Variants in ZNF277 observed in about 807,000 individuals in gnomAD.
The protein encoded by ZNF277 is nuclear receptor-interacting factor 4.
A neutral mutation model predicts 60.7 loss-of-function variants in ZNF277; 55 were observed. That is an observed-to-expected ratio of 0.91 (90% confidence interval 0.73 to 1.13). The LOEUF is 1.13. Among genes scored for constraint, ZNF277 ranks in the 50% most tolerant of loss-of-function variants. The pLI, the probability that ZNF277 is intolerant of heterozygous loss-of-function variation, is 0.00. For missense variants in ZNF277, 510 were observed against 523.0 expected (o/e 0.98, Z 0.24); for synonymous variants, 178 against 179.3 (o/e 0.99, Z 0.06).
At chr7:112,331,047 A>G (rs1793219756) in intron 7 of ZNF277, among the ~76,000 whole-genome samples, 1 of 152,190 alleles carries the variant, frequency 6.6e-6, no homozygotes, top group Non-Finnish European at 1.5e-5. Flanking sequence ...TTTTTAAGGG[A>G]AGTTTCAAGG....
At chr7:112,313,282 AT>A (rs58333831) in intron 4 of ZNF277, among the ~76,000 whole-genome samples, 9,029 of 145,686 alleles carry the variant, frequency 0.062, 736 homozygotes, top group African/African-American at 0.18. Flanking sequence ...ATGTTTTAAA[AT>A]TTTTTTTTTT....
intron 1 of ZNF277, among the ~76,000 whole-genome samples, chr7:112,276,925 G>C (rs903800270): frequency 3.9e-5 from 6 of 152,066 alleles, no homozygotes; most frequent in African/African-American, 1.4e-4. Flanking sequence ...ATTTTAGTAA[G>C]TTATTTTGTT....
chr7:112,317,498 A>C (rs1792869141), intron 4 of ZNF277, among the ~76,000 whole-genome samples: 1 of 152,120 alleles, frequency 6.6e-6, no homozygotes, highest in South Asian at 2.1e-4. Flanking sequence ...AGATTTGTGA[A>C]AGTGAAAAAG....
intron 1 of ZNF277, among the ~76,000 whole-genome samples, chr7:112,260,369 C>A (rs1477773436): frequency 1.3e-5 from 2 of 152,152 alleles, no homozygotes; most frequent in Admixed American, 6.5e-5. Context: ...TTTGGTAGTT[C>A]CTTTTGTTTA....
intron 1 of ZNF277, among the ~76,000 whole-genome samples, chr7:112,235,230 G>T (rs956769932): frequency 3.9e-5 from 6 of 152,004 alleles, no homozygotes; most frequent in Non-Finnish European, 8.8e-5. Context: ...TGTGGTAAAT[G>T]GTGGAATAAG....
chr7:112,226,948 G>A (rs1822192352), intron 1 of ZNF277, among the ~76,000 whole-genome samples: 1 of 151,994 alleles, frequency 6.6e-6, no homozygotes, highest in South Asian at 2.1e-4. Context: ...GAGCCAACTG[G>A]CAAATTTCCA....
rs116292149 is a variant in ZNF277 at position 112,321,618 on chromosome 7, A to T, written c.557+3345A>T. 9.5e-3 allele frequency among the ~76,000 whole-genome samples: 1,453 copies of T among 152,214 alleles called. 18 individuals are homozygous for T. The highest frequency in any genetic ancestry group is 0.033 in the African/African-American group (1,361 of 41,548). On this transcript the variant is annotated intron_variant, in intron 5 of 11. Transcript: ENST00000361822. ...TCTAGTGTCCCTTTCTTTTAACCTA[A>T]AGAACTTTCTTCAGTTTCTTGTTGG...
At chr7:112,252,279 GA>G (rs1212459135) in intron 1 of ZNF277, among the ~76,000 whole-genome samples, 3 of 152,146 alleles carry the variant, frequency 2.0e-5, no homozygotes, top group Non-Finnish European at 4.4e-5. Context: ...TTGCAATTAA[GA>G]AGTAGAAAAA....
At chr7:112,317,982 A>T (rs1489782038) in intron 4 of ZNF277, among the ~76,000 whole-genome samples, 200 bp from the exon 5 acceptor site, 6 of 152,104 alleles carry the variant, frequency 3.9e-5, no homozygotes, top group Non-Finnish European at 5.9e-5. Flanking sequence ...ATAGCTGTTA[A>T]AGTGGAGTGT....
intron 5 of ZNF277, among the ~76,000 whole-genome samples, chr7:112,320,341 AG>A (rs1479375305): frequency 9.2e-5 from 14 of 152,266 alleles, no homozygotes; most frequent in African/African-American, 3.4e-4. Context: ...ATAACCAGTG[AG>A]AAAGATAAAT....
intron 1 of ZNF277, among the ~76,000 whole-genome samples, chr7:112,229,617 C>G (rs1822269656): frequency 6.6e-6 from 1 of 152,252 alleles, no homozygotes; most frequent in Middle Eastern, 3.4e-3. Context: ...AAAAATGACA[C>G]CTTTGATATT....
intron 1 of ZNF277, among the ~76,000 whole-genome samples, chr7:112,219,737 G>A (rs1474965522): frequency 2.0e-5 from 3 of 152,176 alleles, no homozygotes; most frequent in African/African-American, 4.8e-5. Context: ...TTGGGCTCAA[G>A]CAATCCTCCC....
intron 4 of ZNF277, among the ~76,000 whole-genome samples, chr7:112,299,087 A>G (rs1383650284): frequency 6.6e-6 from 1 of 152,160 alleles, no homozygotes; most frequent in African/African-American, 2.4e-5. Flanking sequence ...AGGATCAACA[A>G]AAAGTAAAAA....
intron 1 of ZNF277, among the ~76,000 whole-genome samples, chr7:112,267,469 G>A (rs1003585728): frequency 7.2e-5 from 11 of 152,098 alleles, no homozygotes; most frequent in African/African-American, 2.4e-4. Context: ...TATTTGAAAG[G>A]TATTATTTCT....
At chr7:112,208,272 G>A (rs1821625542) in intron 1 of ZNF277, among the ~76,000 whole-genome samples, 1 of 152,094 alleles carries the variant, frequency 6.6e-6, no homozygotes, top group Admixed American at 6.5e-5. Flanking sequence ...CTACTCGGGA[G>A]GCCGAGGCAG....
intron 1 of ZNF277, among the ~76,000 whole-genome samples, chr7:112,270,895 AAAAAT>A (rs1210106995): frequency 2.6e-5 from 4 of 152,186 alleles, no homozygotes; most frequent in South Asian, 4.1e-4. Context: ...GGGAGTAGCA[AAAAAT>A]AAAATAAAAA....
At chr7:112,267,855 G>A (rs1260231313) in intron 1 of ZNF277, among the ~76,000 whole-genome samples, 1 of 152,110 alleles carries the variant, frequency 6.6e-6, no homozygotes, top group Non-Finnish European at 1.5e-5. Flanking sequence ...GCTTGCCCCA[G>A]CCAAGACCTT....
chr7:112,248,211 A>G (rs1340120614), intron 1 of ZNF277, among the ~76,000 whole-genome samples: 3 of 151,842 alleles, frequency 2.0e-5, no homozygotes, highest in African/African-American at 7.3e-5. Context: ...AGATGACTGC[A>G]GTACATGCAG....
intron 5 of ZNF277, among the ~76,000 whole-genome samples, chr7:112,324,581 T>G (rs1312880175): frequency 6.6e-6 from 1 of 152,098 alleles, no homozygotes; most frequent in African/African-American, 2.4e-5. Context: ...CCCCAAAGAT[T>G]TTCTTGGCCC....
Sources: gnomAD v4.1 joint callset for allele counts (sites outside exome capture counted in the v4.1 genomes callset) on GRCh38, gnomAD v4.1.1 for gene constraint, MANE v1.5 for transcripts, NCBI Gene and HGNC (gene_info 2026-07-23, HGNC 2026-07-21) for gene names.